The following NME7 variants were observed in gnomAD, a reference collection of about 807,000 sequenced individuals.
NME7 encodes the protein NME/NM23 family member 7, also known as nucleoside diphosphate kinase 7.
Under a neutral mutation model 49.1 loss-of-function variants are expected in NME7, and 41 were observed. The ratio of observed to expected loss-of-function variants is 0.83; its 90% CI spans 0.65 to 1.08. The LOEUF is 1.08. Among genes scored for constraint, NME7 ranks in the 50% least tolerant of loss-of-function variants. The probability of loss-of-function intolerance (pLI) is 0.00; values close to 1 mark genes in which losing one functional copy is unlikely to be tolerated. For synonymous variants in NME7, 139 were observed against 150.6 expected (o/e 0.92, Z 0.56); for missense variants, 423 against 463.4 (o/e 0.91, Z 0.80).
chr1:169,310,989 C>T (rs936814773), intron 3 of NME7, among the ~76,000 whole-genome samples: 9 of 152,256 alleles, frequency 5.9e-5, no homozygotes, highest in Middle Eastern at 6.8e-3. Context: ...TAAAGAATTG[C>T]TGCTACTTTT....
At chr1:169,299,988 T>C (rs1329316858) in intron 5 of NME7, among the ~76,000 whole-genome samples, 1 of 152,104 alleles carries the variant, frequency 6.6e-6, no homozygotes, top group Non-Finnish European at 1.5e-5. Context: ...ACACTTACAA[T>C]CTAACGCCCT....
At position 169,304,193 on chromosome 1, in the gene NME7, C is replaced by T. The variant is rs565717039; in HGVS notation, c.390-998G>A. Among the ~76,000 whole-genome samples the T allele has an allele frequency of 7.9e-5, 12 of 152,256 alleles. No homozygotes were observed. In the South Asian group the frequency reaches 2.5e-3, roughly 32 times the overall value. ...TATCTACAGCGGCAATAAAAGAATG[C>T]ATTTTAAACTGATTAGCTAAAAAGT... On this transcript the variant is annotated intron_variant, in intron 4 of 11. Coordinates refer to ENST00000367811, the MANE Select transcript of NME7 (RefSeq NM_013330.5).
chr1:169,354,948 TTATATATGTTTATATATAATATAATTA>T (rs1653335486), intron 1 of NME7, among the ~76,000 whole-genome samples: 1 of 55,568 alleles, frequency 1.8e-5, no homozygotes, highest in Admixed American at 3.2e-4. Flanking sequence ...GTATTATATA[TTATATATGTTTATATATAATATAATTA>T]TATATGTTTA....
intron 11 of NME7, among the ~76,000 whole-genome samples, chr1:169,157,030 G>A (rs1659096627): frequency 6.6e-6 from 1 of 152,216 alleles, no homozygotes; most frequent in Non-Finnish European, 1.5e-5. Flanking sequence ...GAAAGAAGAT[G>A]CTGGTGGACG....
At chr1:169,151,862 A>G (rs747209341) in intron 11 of NME7, among the ~76,000 whole-genome samples, 22 of 152,126 alleles carry the variant, frequency 1.4e-4, no homozygotes, top group Non-Finnish European at 2.8e-4. Context: ...CCCCTACATG[A>G]CCTGATCTGA....
At chr1:169,282,821 T>C (rs1400188643) in intron 7 of NME7, among the ~76,000 whole-genome samples, 5 of 151,712 alleles carry the variant, frequency 3.3e-5, no homozygotes, top group Admixed American at 6.6e-5. Flanking sequence ...GAGACTGTTA[T>C]AATTTCCATT....
intron 7 of NME7, among the ~76,000 whole-genome samples, chr1:169,272,889 G>C (rs936364100): frequency 4.5e-5 from 6 of 132,886 alleles, no homozygotes; most frequent in Admixed American, 3.0e-4. Context: ...ACACAATGAA[G>C]GAACTAATTT....
At chr1:169,168,428 C>T (rs1571259369) in intron 11 of NME7, among the ~76,000 whole-genome samples, 2 of 127,974 alleles carry the variant, frequency 1.6e-5, no homozygotes, top group Admixed American at 7.6e-5. Context: ...ACTCCTTCCC[C>T]GCCTTTTTTG....
intron 10 of NME7, among the ~76,000 whole-genome samples, chr1:169,209,910 C>T (rs1413627818): frequency 1.3e-5 from 2 of 152,268 alleles, no homozygotes; most frequent in East Asian, 3.9e-4. Flanking sequence ...AATTCCTCTA[C>T]TTCAGCTAAG....
intron 10 of NME7, among the ~76,000 whole-genome samples, chr1:169,212,255 T>G (rs1199216767): frequency 6.6e-6 from 1 of 152,160 alleles, no homozygotes; most frequent in Admixed American, 6.5e-5. Context: ...CTTAATAAAT[T>G]TGTTTTACTT....
chr1:169,280,971 G>T (rs1649987698), intron 7 of NME7, among the ~76,000 whole-genome samples: 1 of 152,006 alleles, frequency 6.6e-6, no homozygotes, highest in Middle Eastern at 3.2e-3. Flanking sequence ...GTTTAAAGTA[G>T]TTTTTTTCCA....
At chr1:169,309,145 T>A (rs1279439230) in intron 4 of NME7, among the ~76,000 whole-genome samples, 2 of 152,222 alleles carry the variant, frequency 1.3e-5, no homozygotes, top group Non-Finnish European at 2.9e-5. Flanking sequence ...ATTTGACAAC[T>A]CCTAATTACT....
In NME7 at chr1:169,271,224, G is replaced by A. The variant is rs543752168; in HGVS notation, c.754+16079C>T. ...AACTATAGGTCTATGAACTAAGGCC[G>A]CCTACATACACATGACTACTACTTG... is the stretch of plus-strand genomic sequence containing the variant. On this transcript the variant is annotated intron_variant, in intron 7 of 11. Coordinates refer to ENST00000367811, the MANE Select transcript of NME7 (RefSeq NM_013330.5). Among the ~76,000 whole-genome samples the A allele has an allele frequency of 7.3e-4, 97 of 133,340 alleles. 24 individuals carry two copies. Among genetic ancestry groups the A allele is most frequent in the South Asian group, 6.3e-3 (27 of 4,320 alleles). The allele number at this position is 133,340 out of a possible 152,430, so 87.5% of individuals were successfully genotyped here.
intron 1 of NME7, among the ~76,000 whole-genome samples, chr1:169,357,477 T>A (rs984345471): frequency 6.6e-6 from 1 of 152,030 alleles, no homozygotes; most frequent in African/African-American, 2.4e-5. Flanking sequence ...CAAGATAAAA[T>A]CATCAGGCCA....
chr1:169,221,845 CTTTTGTATT>C (rs1661152279), intron 10 of NME7, among the ~76,000 whole-genome samples: 1 of 151,902 alleles, frequency 6.6e-6, no homozygotes, highest in South Asian at 2.1e-4. Flanking sequence ...TGCCTGGCAA[CTTTTGTATT>C]TTTTGTAGAG....
At chr1:169,271,877 GA>G in intron 7 of NME7, among the ~76,000 whole-genome samples, 1 of 133,158 alleles carries the variant, frequency 7.5e-6, no homozygotes, top group East Asian at 2.0e-4. Flanking sequence ...ACCAGCAAAT[GA>G]AAGGGGGCCA....
In NME7 at chr1:169,271,162, A is replaced by C. The variant is rs534515120; in HGVS notation, c.754+16141T>G. On this transcript the variant is annotated intron_variant, in intron 7 of 11. Coordinates refer to ENST00000367811, the MANE Select transcript of NME7 (RefSeq NM_013330.5). ...GAACTCTTTATGTTCTAGCTCTCTTAGAAATGAGAAGTGAAACCACTGCAT... is the reference window on the plus strand; with the variant it reads ...GAACTCTTTATGTTCTAGCTCTCTTCGAAATGAGAAGTGAAACCACTGCAT... 3.7e-5 allele frequency among the ~76,000 whole-genome samples: 5 copies of C among 133,842 alleles called. 2 individuals are homozygous for C. Among genetic ancestry groups the C allele is most frequent in the Non-Finnish European group, 5.3e-5 (3 of 56,960 alleles). 87.8% of individuals were successfully genotyped at this position (133,842 alleles called of 152,430 possible).
rs573608268 is a variant in NME7 at position 169,223,291 on chromosome 1, A to AT, written c.990+7426dup. Reference sequence around the variant, plus strand: ...CTATGATATTCACTTTTATCACTACATTTTTTTAATATTTCTTATTGTCTG... The same window carrying AT: ...CTATGATATTCACTTTTATCACTACATTTTTTTTAATATTTCTTATTGTCTG... On this transcript the variant is annotated intron_variant, in intron 10 of 11. Coordinates refer to ENST00000367811, the MANE Select transcript of NME7 (RefSeq NM_013330.5). 3.3e-5 allele frequency among the ~76,000 whole-genome samples: 5 copies of AT among 151,730 alleles called. No individual in the cohort carries two copies. The South Asian group carries it at 6.3e-4, about 19-fold the overall frequency.
chr1:169,216,348 T>G (rs1372399362), intron 10 of NME7, among the ~76,000 whole-genome samples: 1 of 152,060 alleles, frequency 6.6e-6, no homozygotes, highest in African/African-American at 2.4e-5. Context: ...GGCCAATAAT[T>G]TAACCAACCA....
Sources: gnomAD v4.1 joint callset for allele counts (sites outside exome capture counted in the v4.1 genomes callset) on GRCh38, gnomAD v4.1.1 for gene constraint, MANE v1.5 for transcripts, NCBI Gene and HGNC (gene_info 2026-07-23, HGNC 2026-07-21) for gene names.